SHPRH: variants seen among roughly 807,000 people sequenced by gnomAD.
The protein encoded by SHPRH is E3 ubiquitin-protein ligase SHPRH.
SHPRH carries 106 observed loss-of-function variants against 202.5 expected under a neutral mutation model. That is an observed-to-expected ratio of 0.52 (90% CI 0.45 to 0.62). The LOEUF (loss-of-function observed/expected upper bound fraction) is 0.62. Ranked by LOEUF, SHPRH falls within the 20% of genes least tolerant of loss-of-function variation. SHPRH has a pLI of 0.00. For missense variants in SHPRH, 1,710 were observed against 2,020.0 expected (o/e 0.85, Z 2.94); for synonymous variants, 729 against 686.0 (o/e 1.06, Z -0.98).
At chr6:145,960,989 G>C (rs529915383) in intron 1 of SHPRH, among the ~76,000 whole-genome samples, 1 of 151,938 alleles carries the variant, frequency 6.6e-6, no homozygotes, top group South Asian at 2.1e-4. Flanking sequence ...GTTCACGATA[G>C]CATTCATGCT....
At chr6:145,881,347 G>C (rs925850761), downstream of SHPRH, among the ~76,000 whole-genome samples, 5 of 152,292 alleles carry the variant, frequency 3.3e-5, no homozygotes, top group South Asian at 2.1e-4. Context: ...CTCACAATTA[G>C]GGTTGAAGGT....
chr6:145,897,978 A>C (rs1367640294), intron 25 of SHPRH, among the ~76,000 whole-genome samples: 1 of 152,160 alleles, frequency 6.6e-6, no homozygotes, highest in Non-Finnish European at 1.5e-5. Context: ...CACTCTTGCC[A>C]CTGTTATTCA....
chr6:145,865,959 T>C (rs573112467), intron 2 of SHPRH, among the ~76,000 whole-genome samples: 1 of 152,364 alleles, frequency 6.6e-6, no homozygotes, highest in Admixed American at 6.5e-5. Flanking sequence ...AAGTCTGAGA[T>C]TCACATCCAG....
At chr6:145,863,860 G>T (rs1350234391), downstream of SHPRH, among the ~76,000 whole-genome samples, 1 of 152,176 alleles carries the variant, frequency 6.6e-6, no homozygotes, top group African/African-American at 2.4e-5. Context: ...CAGAAAGCAG[G>T]ACTGAGACTC....
chr6:145,888,137 A>T, intron 28 of SHPRH, 37 bp from the exon 29 acceptor site: 1 of 1,474,358 alleles, frequency 6.8e-7, no homozygotes, highest in African/African-American at 1.4e-5. Flanking sequence ...TTAAAAACAT[A>T]GTAAAACAAA....
intron 29 of SHPRH, 62 bp downstream of exon 29, chr6:145,887,957 TA>T (rs1418877631): frequency 2.3e-6 from 3 of 1,293,018 alleles, no homozygotes; most frequent in Non-Finnish European, 3.3e-6. Flanking sequence ...GAAGAAGTTC[TA>T]AAGATACAAA....
At chr6:145,925,262 C>T (rs1272883241) in intron 16 of SHPRH, among the ~76,000 whole-genome samples, 2 of 151,312 alleles carry the variant, frequency 1.3e-5, no homozygotes, top group Non-Finnish European at 2.9e-5. Context: ...CACAGTAACA[C>T]AGGTGTTAGG....
intron 2 of SHPRH, among the ~76,000 whole-genome samples, 156 bp from the exon 3 acceptor site, chr6:145,952,634 G>A (rs994680841): frequency 6.6e-6 from 1 of 151,942 alleles, no homozygotes; most frequent in South Asian, 2.1e-4. Context: ...TTTCCCCCAC[G>A]TGTTTCATTT....
At chr6:145,932,971 C>CG (rs965112800) in intron 14 of SHPRH, 86 bp downstream of exon 14, 9 of 1,455,908 alleles carry the variant, frequency 6.2e-6, no homozygotes, top group African/African-American at 5.7e-5. Context: ...AAATCCCCCC[C>CG]CCAAAAATCA....
intron 25 of SHPRH, among the ~76,000 whole-genome samples, chr6:145,899,664 A>G (rs1782323624): frequency 6.6e-6 from 1 of 152,184 alleles, no homozygotes; most frequent in Non-Finnish European, 1.5e-5. Context: ...GATAAATAGG[A>G]TCGCATTAAA....
In SHPRH at chr6:145,919,771, C is replaced by T. The variant is rs189548019; in HGVS notation, c.4009-280G>A. Among the ~76,000 whole-genome samples the T allele has an allele frequency of 5.7e-3, 867 of 152,202 alleles. 4 individuals are homozygous for T. Among genetic ancestry groups the T allele is most frequent in the Non-Finnish European group, 9.3e-3 (634 of 67,984 alleles). ...GTCCAGTTTTAGGCTGACAGAATCTCTTGTTTTATTTTTTAAAAATAGTTT... is the reference window on the plus strand; with the variant it reads ...GTCCAGTTTTAGGCTGACAGAATCTTTTGTTTTATTTTTTAAAAATAGTTT... On this transcript the variant is annotated intron_variant, in intron 21 of 29. Transcript: ENST00000275233.
chr6:145,961,711 A>G (rs1272854714), intron 1 of SHPRH, among the ~76,000 whole-genome samples: 4 of 151,806 alleles, frequency 2.6e-5, no homozygotes, highest in Non-Finnish European at 4.4e-5. Flanking sequence ...ATCAGTGATA[A>G]TGATAAACTG....
chr6:145,866,446 T>A (rs753641133), intron 2 of SHPRH, among the ~76,000 whole-genome samples: 1 of 152,224 alleles, frequency 6.6e-6, no homozygotes, highest in Non-Finnish European at 1.5e-5. Flanking sequence ...GAAATGATCA[T>A]TAAGGGTTGA....
intron 2 of SHPRH, among the ~76,000 whole-genome samples, chr6:145,865,876 G>A (rs762880529): frequency 2.1e-4 from 32 of 152,118 alleles, no homozygotes; most frequent in Admixed American, 2.6e-4. Context: ...TTGACTTAAG[G>A]TGACAAAAGA....
At chr6:145,869,822 T>C (rs1471055871) in intron 2 of SHPRH, among the ~76,000 whole-genome samples, 1 of 149,884 alleles carries the variant, frequency 6.7e-6, no homozygotes, top group Non-Finnish European at 1.5e-5. Context: ...TTCTTTTCTT[T>C]TTTTTTTTTT....
chr6:145,925,012 C>A (rs1441828264), intron 16 of SHPRH, among the ~76,000 whole-genome samples, 166 bp from the exon 17 acceptor site: 1 of 151,572 alleles, frequency 6.6e-6, no homozygotes, highest in African/African-American at 2.4e-5. Flanking sequence ...GCTAAAAATT[C>A]CTTATATATG....
Position 145,919,163 on chromosome 6 carries a change from T to A in SHPRH, c.4152+185A>T, listed in dbSNP as rs375883557. On this transcript the variant is annotated intron_variant, in intron 22 of 29. Coordinates refer to ENST00000275233, the MANE Select transcript of SHPRH (RefSeq NM_001042683.3). Reference sequence around the variant, plus strand: ...GTGAACACTAAGCATGTAATAGATATGAAATTGCTCATCTTTGACCATTTT... The same window carrying A: ...GTGAACACTAAGCATGTAATAGATAAGAAATTGCTCATCTTTGACCATTTT... The A allele has an allele frequency of 4.3e-6, 3 of 696,598 alleles. No homozygotes were observed. The Admixed American group carries it at 9.2e-5, about 21-fold the overall frequency. 43.2% of individuals were successfully genotyped at this position (696,598 alleles called of 1,614,324 possible).
intron 11 of SHPRH, among the ~76,000 whole-genome samples, chr6:145,938,327 T>G (rs915638636): frequency 6.6e-6 from 1 of 152,186 alleles, no homozygotes; most frequent in Non-Finnish European, 1.5e-5. Context: ...TCCTCGCCAG[T>G]TGCCAGTGTC....
chr6:145,914,194 A>G (rs1360932853), intron 23 of SHPRH, among the ~76,000 whole-genome samples: 1 of 152,052 alleles, frequency 6.6e-6, no homozygotes, highest in African/African-American at 2.4e-5. Context: ...TGATGGCCTC[A>G]TGCTCATGTT....
Sources: gnomAD v4.1 joint callset for allele counts (sites outside exome capture counted in the v4.1 genomes callset) on GRCh38, gnomAD v4.1.1 for gene constraint, MANE v1.5 for transcripts, NCBI Gene and HGNC (gene_info 2026-07-23, HGNC 2026-07-21) for gene names.